ICA1: variants seen among roughly 807,000 people sequenced by gnomAD.
ICA1 encodes 69 kDa islet cell autoantigen.
ICA1 carries 40 observed loss-of-function variants against 71.0 expected under a neutral mutation model. The ratio of observed to expected loss-of-function variants is 0.56; its 90% CI spans 0.44 to 0.73. ICA1 has a LOEUF of 0.73. Among genes scored for constraint, ICA1 ranks in the 30% least tolerant of loss-of-function variants. ICA1 has a pLI of 0.00. For missense variants in ICA1, 578 were observed against 576.5 expected (o/e 1.00, Z -0.03); for synonymous variants, 207 against 209.5 (o/e 0.99, Z 0.10).
intron 13 of ICA1, among the ~76,000 whole-genome samples, chr7:8,118,559 C>T (rs79139003): frequency 6.0e-4 from 92 of 152,246 alleles, no homozygotes; most frequent in African/African-American, 2.2e-3. Flanking sequence ...ATAACATAAC[C>T]TCCCTGGTTC....
In ICA1 at chr7:8,218,449, C is replaced by A. The variant is rs1420947407; in HGVS notation, c.435G>T (p.Arg145=). The change falls in exon 6 of 14, where the codon CGG becomes CGT. Residue 145 remains arginine (R), a synonymous_variant. Transcript: ENST00000402384. The part of the protein sequence containing the change: ...CRFHQEVETF[R]HRAISDTWLT... The stretch of plus-strand genomic sequence containing the variant: ...GCCAAGTATCTGAGATGGCCCGATG[C>A]CGAAAAGTCTCCACTTCTTGGTGAA... 1.2e-6 allele frequency: 2 copies of A among 1,614,106 alleles called. No homozygotes were observed. Among genetic ancestry groups the A allele is most frequent in the East Asian group, 2.2e-5 (1 of 44,870 alleles).
intron 3 of ICA1, among the ~76,000 whole-genome samples, chr7:8,231,234 G>C (rs1292848740): frequency 6.6e-6 from 1 of 152,090 alleles, no homozygotes; most frequent in African/African-American, 2.4e-5. Context: ...GCTGGTTGTG[G>C]ACTGAGAACT....
intron 8 of ICA1, chr7:8,156,853 A>T: frequency 6.7e-7 from 1 of 1,502,620 alleles, no homozygotes; most frequent in Non-Finnish European, 8.8e-7. Context: ...TCCCAGGAAC[A>T]TGTATCTCAA....
At chr7:8,201,668 A>G (rs1789743781) in intron 6 of ICA1, among the ~76,000 whole-genome samples, 2 of 152,174 alleles carry the variant, frequency 1.3e-5, no homozygotes, top group African/African-American at 4.8e-5. Context: ...TTTCTCCATA[A>G]GCTTTTGTGG....
At chr7:8,139,164 A>G (rs1794375290) in intron 10 of ICA1, 117 bp from the exon 11 acceptor site, 1 of 761,308 alleles carries the variant, frequency 1.3e-6, no homozygotes, top group Non-Finnish European at 2.2e-6. Context: ...CCACAAACTC[A>G]GCCAGAAGCA....
chr7:8,255,676 C>T (rs993267812), intron 1 of ICA1, among the ~76,000 whole-genome samples: 2 of 124,332 alleles, frequency 1.6e-5, no homozygotes, highest in Admixed American at 8.4e-5. Flanking sequence ...AACTAAACTC[C>T]TCTTTCCATC....
At chr7:8,181,720 C>G (rs1303169499) in intron 6 of ICA1, among the ~76,000 whole-genome samples, 1 of 152,120 alleles carries the variant, frequency 6.6e-6, no homozygotes, top group East Asian at 1.9e-4. Flanking sequence ...TTGCCATTTT[C>G]AGTTTTTAAA....
intron 6 of ICA1, among the ~76,000 whole-genome samples, chr7:8,211,964 C>T (rs1793940475): frequency 6.6e-6 from 1 of 152,138 alleles, no homozygotes; most frequent in Non-Finnish European, 1.5e-5. Flanking sequence ...AGGTGGCTGA[C>T]CTGTGGGCCA....
In ICA1 at chr7:8,223,108, T is replaced by G. The variant is rs1797610452; in HGVS notation, c.257-1710A>C. Among the ~76,000 whole-genome samples, 1 of 152,166 alleles carries G rather than the reference T, an allele frequency of 6.6e-6. No homozygotes were observed. Among genetic ancestry groups the G allele is most frequent in the Admixed American group, 6.5e-5 (1 of 15,274 alleles). On this transcript the variant is annotated intron_variant, in intron 4 of 13. Coordinates refer to ENST00000402384, the MANE Select transcript of ICA1 (RefSeq NM_001136020.3). This position sits in a 1 kb window ranked among gnomAD's most constrained non-coding sequence, Gnocchi z 4.1. ...TAAAATTCCTATAATTATAAGAAGG[T>G]TTTTTGTTTTTTAATACATTCCATT...
At chr7:8,213,362 G>A (rs1411128671) in intron 6 of ICA1, among the ~76,000 whole-genome samples, 1 of 152,162 alleles carries the variant, frequency 6.6e-6, no homozygotes, top group Non-Finnish European at 1.5e-5. Flanking sequence ...CTGGTTCACT[G>A]TATGGATCCA....
chr7:8,119,440 G>A (rs1465113572), intron 13 of ICA1, among the ~76,000 whole-genome samples: 1 of 152,228 alleles, frequency 6.6e-6, no homozygotes, highest in East Asian at 1.9e-4. Context: ...TTCCTAAGAG[G>A]AGGCAGAAAT....
chr7:8,160,283 A>T (rs1206258105), intron 6 of ICA1, among the ~76,000 whole-genome samples: 1 of 152,238 alleles, frequency 6.6e-6, no homozygotes, highest in Non-Finnish European at 1.5e-5. Context: ...AATGTATAAA[A>T]TTATAGGATG....
rs1246436834 is a variant in ICA1 at position 8,130,383 on chromosome 7, C to G, written c.1061-2241G>C. On this transcript the variant is annotated intron_variant, in intron 12 of 13. Transcript: ENST00000402384. The surrounding 1 kb of genome is among the most constrained non-coding windows in gnomAD (Gnocchi z 4.2). Reference sequence around the variant, plus strand: ...CTGAAGGAAAGGAAAGCAACCTTCGCAGCTCAGGATGTGTCCATCAACACC... The same window carrying G: ...CTGAAGGAAAGGAAAGCAACCTTCGGAGCTCAGGATGTGTCCATCAACACC... Among the ~76,000 whole-genome samples, 1 of 152,236 alleles carries G rather than the reference C, an allele frequency of 6.6e-6. No homozygotes were observed. Among genetic ancestry groups the G allele is most frequent in the Non-Finnish European group, 1.5e-5 (1 of 68,046 alleles).
intron 3 of ICA1, among the ~76,000 whole-genome samples, chr7:8,231,279 G>A (rs530650736): frequency 6.6e-6 from 1 of 152,236 alleles, no homozygotes; most frequent in South Asian, 2.1e-4. Flanking sequence ...GGTGGTGAGG[G>A]CAATGTAAGC....
chr7:8,230,312 A>T (rs1048197052), intron 3 of ICA1, among the ~76,000 whole-genome samples: 2 of 152,216 alleles, frequency 1.3e-5, no homozygotes, highest in Non-Finnish European at 2.9e-5. Context: ...CCAATATTAT[A>T]GCTTGGAACA....
intron 4 of ICA1, among the ~76,000 whole-genome samples, chr7:8,225,826 C>G (rs1798428146): frequency 6.6e-6 from 1 of 152,194 alleles, no homozygotes; most frequent in Admixed American, 6.5e-5. Flanking sequence ...AAACCTGGCT[C>G]TCATCATCTG....
intron 11 of ICA1, 24 bp downstream of exon 11, chr7:8,138,961 G>A (rs756171890): frequency 3.7e-6 from 6 of 1,603,398 alleles, no homozygotes; most frequent in South Asian, 1.1e-5. Context: ...TTAAAATTGA[G>A]TAGTTTTCCT....
intron 12 of ICA1, among the ~76,000 whole-genome samples, chr7:8,136,291 G>A (rs928016539): frequency 6.6e-6 from 1 of 152,124 alleles, no homozygotes; most frequent in Non-Finnish European, 1.5e-5. Context: ...CCAAGCAGCA[G>A]GGTGCTAGAG....
intron 9 of ICA1, chr7:8,142,205 G>A (rs150599619): frequency 3.0e-5 from 11 of 366,098 alleles, no homozygotes; most frequent in Non-Finnish European, 5.1e-5. Context: ...ACCTCCAGAG[G>A]TTAGCTCGGC....
Sources: gnomAD v4.1 joint callset for allele counts (sites outside exome capture counted in the v4.1 genomes callset) on GRCh38, gnomAD v4.1.1 for gene constraint, Gnocchi (gnomAD v3.1) non-coding constraint, MANE v1.5 for transcripts, NCBI Gene and HGNC (gene_info 2026-07-23, HGNC 2026-07-21) for gene names.